IRS2: variants seen among roughly 807,000 people sequenced by gnomAD.
The protein encoded by IRS2 is insulin receptor substrate 2.
In IRS2, 28 loss-of-function variants were observed where a neutral mutation model predicts 70.9. That is an observed-to-expected ratio of 0.39 (90% CI 0.29 to 0.54). IRS2 has a LOEUF of 0.54. Among genes scored for constraint, IRS2 ranks in the 20% least tolerant of loss-of-function variants. IRS2 has a pLI of 0.59. For missense variants in IRS2, 2,081 were observed against 2,024.1 expected, an observed-to-expected ratio of 1.03 and a Z score of -0.54; for synonymous variants, 1,217 against 981.9, an observed-to-expected ratio of 1.24 and a Z score of -4.48.
chr13:109,780,192 G>A (rs1877665542), intron 1 of IRS2, among the ~76,000 whole-genome samples: 1 of 152,214 alleles, frequency 6.6e-6, no homozygotes, highest in African/African-American at 2.4e-5. Flanking sequence ...ATTCGGGTAA[G>A]ATGTAATTTA....
At position 109,782,292 on chromosome 13, in the gene IRS2, G is replaced by A. The variant is rs373454482; in HGVS notation, c.3762C>T (p.Ile1254=). 1.4e-5 allele frequency: 23 copies of A among 1,611,476 alleles called. No individual in the cohort carries two copies. The South Asian group carries it at 2.3e-4, about 16-fold the overall frequency. Residue 1254 remains isoleucine (I), a synonymous_variant, in exon 1 of 2, where the codon ATC becomes ATT. Transcript: ENST00000375856. The part of the protein sequence containing the change: ...SAGFQNGLNY[I]AIDVREEPGL... ...CGGGCTCCTCCCTCACGTCGATGGC[G>A]ATGTAGTTGAGACCATTCTGGAAGC...
At chr13:109,769,967 C>G (rs1413770170) in intron 1 of IRS2, among the ~76,000 whole-genome samples, 1 of 152,216 alleles carries the variant, frequency 6.6e-6, no homozygotes, top group Admixed American at 6.5e-5. Flanking sequence ...AAGTAAAGTT[C>G]CTATTTTTCT....
chr13:109,768,463 G>T (rs1429808381), intron 1 of IRS2, among the ~76,000 whole-genome samples: 3 of 152,152 alleles, frequency 2.0e-5, no homozygotes, highest in Admixed American at 2.0e-4. Context: ...CCATGCCCTT[G>T]GCTCTTTCCT....
chr13:109,777,264 C>A (rs1303507595), intron 1 of IRS2, among the ~76,000 whole-genome samples: 8 of 152,036 alleles, frequency 5.3e-5, no homozygotes, highest in Admixed American at 2.6e-4. Context: ...TAGAAAAAAA[C>A]CAAAACAAAC....
intron 1 of IRS2, among the ~76,000 whole-genome samples, chr13:109,772,331 C>G (rs1877471989): frequency 6.6e-6 from 1 of 152,190 alleles, no homozygotes; most frequent in African/African-American, 2.4e-5. Flanking sequence ...GGGGAAAAGG[C>G]TTCTGGCCGA....
intron 1 of IRS2, among the ~76,000 whole-genome samples, chr13:109,777,273 A>T (rs1349547820): frequency 1.3e-5 from 2 of 152,198 alleles, no homozygotes; most frequent in African/African-American, 2.4e-5. Context: ...ACCAAAACAA[A>T]CAAACAAAAA....
chr13:109,756,363 C>T, intron 1 of IRS2, 55 bp from the exon 2 acceptor site: 1 of 1,565,338 alleles, frequency 6.4e-7, no homozygotes, highest in Non-Finnish European at 8.8e-7. Flanking sequence ...AGAGCAATCT[C>T]TGGAGTTCCA....
chr13:109,773,560 G>C (rs1176016613), intron 1 of IRS2, among the ~76,000 whole-genome samples: 1 of 152,098 alleles, frequency 6.6e-6, no homozygotes, highest in Non-Finnish European at 1.5e-5. Flanking sequence ...GATTTCACTG[G>C]GGGTCTTCAT....
In IRS2 at chr13:109,785,889, C is replaced by G; in HGVS notation, c.165G>C (p.Ala55=). Residue 55 remains alanine (A), a synonymous_variant, in exon 1 of 2, where the codon GCG becomes GCC. Transcript: ENST00000375856. The surrounding 1 kb of genome is among the most constrained non-coding windows in gnomAD (Gnocchi z 9.3). ...CGCCCGCCGTCGCCTCGTCGCCGCC[C>G]GCGCCGGGTCCGCGCAGCACGAAGA... ...KRFFVLRGPG[A]GGDEATAGGG... The G allele has an allele frequency of 6.7e-7, 1 of 1,490,584 alleles. No homozygotes were observed. Among genetic ancestry groups the G allele is most frequent in the Non-Finnish European group, 8.9e-7 (1 of 1,128,336 alleles). The allele number at this position is 1,490,584 out of a possible 1,614,324, so 92.3% of individuals were successfully genotyped here. A position where few individuals can be genotyped will look rare whatever the true frequency, so the allele number is the denominator to read the frequency against.
intron 1 of IRS2, among the ~76,000 whole-genome samples, chr13:109,758,857 G>A (rs74123741): frequency 3.5e-4 from 52 of 149,792 alleles, no homozygotes; most frequent in African/African-American, 1.2e-3. Flanking sequence ...GAAGGAAAGG[G>A]GAAAAGGAAG....
intron 1 of IRS2, among the ~76,000 whole-genome samples, chr13:109,765,206 C>A (rs1183257588): frequency 2.0e-5 from 3 of 152,220 alleles, no homozygotes; most frequent in Non-Finnish European, 4.4e-5. Flanking sequence ...TCCTCTGCCA[C>A]AAATGACAGA....
At position 109,782,729 on chromosome 13, in the gene IRS2, T is replaced by C. The variant is rs2138930519; in HGVS notation, c.3325A>G (p.Ser1109Gly). The change falls in exon 1 of 2, where the codon AGC becomes GGC. Residue 1109 changes from serine to glycine, a missense_variant. Coordinates refer to ENST00000375856, the MANE Select transcript of IRS2 (RefSeq NM_003749.3). ...ASPTSGVKRL[S>G]LMEQVSGVEA... is the part of the protein sequence containing the mutation. ...ACTCCCGACACCTGCTCCATGAGGCTCAGCCTCTTCACGCCCGACGTCGGG... is the reference window on the plus strand; with the variant it reads ...ACTCCCGACACCTGCTCCATGAGGCCCAGCCTCTTCACGCCCGACGTCGGG... The C allele has an allele frequency of 6.3e-7, 1 of 1,596,822 alleles. No homozygotes were observed. Among genetic ancestry groups the C allele is most frequent in the Non-Finnish European group, 8.5e-7 (1 of 1,172,612 alleles).
At position 109,783,277 on chromosome 13, in the gene IRS2, T is replaced by C. The variant is rs775182140; in HGVS notation, c.2777A>G (p.Glu926Gly). 1.4e-6 allele frequency: 2 copies of C among 1,468,250 alleles called. No homozygotes were observed. The highest frequency in any genetic ancestry group is 2.2e-4 in the Middle Eastern group (1 of 4,492). 91.0% of individuals were successfully genotyped at this position (1,468,250 alleles called of 1,614,324 possible). A position where few individuals can be genotyped will look rare whatever the true frequency, so the allele number is the denominator to read the frequency against. The change falls in exon 1 of 2, where the codon GAG becomes GGG. Residue 926 changes from glutamate (E) to glycine (G), a missense_variant. Transcript: ENST00000375856. ...GGGCGGCGACAGGCGGGCCCCGGGC[T>C]CGCCAAAGTCGATGTTGATGTACTC... The part of the protein sequence containing the change: ...PGEYINIDFG[E>G]PGARLSPPAP...
intron 1 of IRS2, among the ~76,000 whole-genome samples, chr13:109,758,708 A>AT (rs1265274487): frequency 6.6e-6 from 1 of 152,162 alleles, no homozygotes; most frequent in Non-Finnish European, 1.5e-5. Flanking sequence ...AAAAGAGCTG[A>AT]TAAATGGCAA....
In IRS2 at chr13:109,754,994, G is replaced by A. The variant is rs1178684827; in HGVS notation, c.*1310C>T. ...ATCAAGTGTCGAGGGAGCAGAAAACGGCAGAACATTCTGCCGGTCAAGTTC... is the reference window on the plus strand; with the variant it reads ...ATCAAGTGTCGAGGGAGCAGAAAACAGCAGAACATTCTGCCGGTCAAGTTC... On this transcript the variant is annotated 3_prime_UTR_variant, in exon 2 of 2. Transcript: ENST00000375856. The A allele has an allele frequency of 2.2e-5, 5 of 226,508 alleles. No homozygotes were observed. The highest frequency in any genetic ancestry group is 3.7e-4 in the South Asian group (2 of 5,456). 14.0% of individuals were successfully genotyped at this position (226,508 alleles called of 1,614,324 possible).
At position 109,783,616 on chromosome 13, in the gene IRS2, G is replaced by A; in HGVS notation, c.2438C>T (p.Pro813Leu). 1 of 1,549,728 alleles carries A rather than the reference G, an allele frequency of 6.5e-7. No individual in the cohort carries two copies. The highest frequency in any genetic ancestry group is 1.2e-5 in the South Asian group (1 of 84,334). The change falls in exon 1 of 2, where the codon CCC (proline) becomes CTC (leucine). Residue 813 changes from proline to leucine, a missense_variant. By Grantham distance (98) the Pro-to-Leu change is moderately conservative (BLOSUM62 -3). Transcript: ENST00000375856. ...YSSLPRSYKAPYTCGGDSDQY... is the reference protein window; with the variant it reads ...YSSLPRSYKALYTCGGDSDQY... ...GTCGCTGTCCCCGCCACAGGTGTAG[G>A]GGGCCTTGTAGGAGCGGGGCAAGGA...
chr13:109,763,070 G>C (rs1029221784), intron 1 of IRS2, among the ~76,000 whole-genome samples: 5 of 152,172 alleles, frequency 3.3e-5, no homozygotes, highest in Admixed American at 2.0e-4. Context: ...GAGCAGCTGT[G>C]ACAGAGACTG....
chr13:109,778,258 C>T (rs1318341460), intron 1 of IRS2, among the ~76,000 whole-genome samples: 1 of 152,210 alleles, frequency 6.6e-6, no homozygotes, highest in Admixed American at 6.5e-5. Context: ...CTCCCATAGA[C>T]ACACAATGAC....
intron 1 of IRS2, among the ~76,000 whole-genome samples, chr13:109,777,756 A>C (rs116093761): frequency 0.015 from 2,285 of 152,322 alleles, 69 homozygotes; most frequent in African/African-American, 0.052. Flanking sequence ...AAAAACCAGT[A>C]ATAAAAGGTA....
Sources: gnomAD v4.1 joint callset for allele counts (sites outside exome capture counted in the v4.1 genomes callset) on GRCh38, gnomAD v4.1.1 for gene constraint, Gnocchi (gnomAD v3.1) non-coding constraint, MANE v1.5 for transcripts, NCBI Gene and HGNC (gene_info 2026-07-23, HGNC 2026-07-21) for gene names.